DCHS2: variants seen among roughly 807,000 people sequenced by gnomAD.
DCHS2 encodes dachsous cadherin-related 2.
A neutral mutation model predicts 182.4 loss-of-function variants in DCHS2; 142 were observed. That is an observed-to-expected ratio of 0.78 (90% confidence interval 0.68 to 0.89). The LOEUF (loss-of-function observed/expected upper bound fraction) is 0.89, where lower values mean the gene tolerates loss of function less well. Ranked by LOEUF, DCHS2 falls within the 40% of genes least tolerant of loss-of-function variation. The probability of loss-of-function intolerance (pLI) is 0.00; values close to 1 mark genes in which losing one functional copy is unlikely to be tolerated. For synonymous variants in DCHS2, 1,740 were observed against 1,663.3 expected (o/e 1.05, Z -1.12); for missense variants, 4,319 against 4,198.6 (o/e 1.03, Z -0.79).
chr4:154,396,593 C>G (rs1260156240), intron 1 of DCHS2, among the ~76,000 whole-genome samples: 1 of 152,050 alleles, frequency 6.6e-6, no homozygotes, highest in African/African-American at 2.4e-5. Context: ...CTCAAAGTTT[C>G]AACGGTGTCT....
In DCHS2 at chr4:154,236,026, A is replaced by T; in HGVS notation, c.8626T>A (p.Phe2876Ile). 2 of 1,613,928 alleles carry T rather than the reference A, an allele frequency of 1.2e-6. No homozygotes were observed. The highest frequency in any genetic ancestry group is 2.2e-5 in the South Asian group (2 of 91,074). The change falls in exon 20 of 20, where the codon TTT (phenylalanine) becomes ATT (isoleucine). Residue 2876 changes from phenylalanine to isoleucine, a missense_variant. Coordinates refer to ENST00000357232, the MANE Select transcript of DCHS2 (RefSeq NM_001358235.2). ...VWVDIEGIDEFEPIFTQDQYF... is the reference protein window; with the variant it reads ...VWVDIEGIDEIEPIFTQDQYF... ...TGATCTTGAGTGAAAATGGGCTCAA[A>T]TTCATCTATCCCTTCAATATCCACC... is the stretch of plus-strand genomic sequence containing the variant.
chr4:154,393,396 C>A (rs1025911389), intron 1 of DCHS2, among the ~76,000 whole-genome samples: 9 of 152,110 alleles, frequency 5.9e-5, no homozygotes, highest in Non-Finnish European at 1.3e-4. Context: ...AAATGGGCTT[C>A]ATATTTTAAC....
chr4:154,256,502 TA>T (rs1732675684), intron 15 of DCHS2, among the ~76,000 whole-genome samples: 1 of 152,084 alleles, frequency 6.6e-6, no homozygotes, highest in South Asian at 2.1e-4. Context: ...CTAAGAAGTG[TA>T]GATCCTAATC....
intron 1 of DCHS2, among the ~76,000 whole-genome samples, chr4:154,435,834 G>A (rs948233470): frequency 6.6e-6 from 1 of 152,150 alleles, no homozygotes; most frequent in African/African-American, 2.4e-5. Flanking sequence ...AATTTATCTT[G>A]TTGTTAGTGC....
At position 154,315,904 on chromosome 4, in the gene DCHS2, G is replaced by A. The variant is rs752581861; in HGVS notation, c.5104C>T (p.Pro1702Ser). Residue 1702 changes from proline to serine, a missense_variant, in exon 10 of 20, where the codon CCA (proline) becomes TCA (serine). Physicochemically the swap from Pro to Ser is moderately conservative, Grantham distance 74. Transcript: ENST00000357232. ...AAAGTCTGGGATGAAGAAAGTGCTG[G>A]TGTGCCATCATCCAGTGCCAGAACA... is the stretch of plus-strand genomic sequence containing the variant. ...LTVLALDDGT[P>S]ALSSSQTLTV... 15 of 1,613,850 alleles carry A rather than the reference G, an allele frequency of 9.3e-6. No individual in the cohort carries two copies. The South Asian group carries it at 1.6e-4, about 18-fold the overall frequency.
chr4:154,421,373 GTTAAT>G (rs60585355), intron 1 of DCHS2, among the ~76,000 whole-genome samples: 256 of 149,062 alleles, frequency 1.7e-3, no homozygotes, highest in African/African-American at 5.4e-3. Flanking sequence ...TCTCATCTGT[GTTAAT>G]TTAATTTAAT....
At chr4:154,291,157 C>T (rs574363657) in intron 13 of DCHS2, among the ~76,000 whole-genome samples, 1 of 152,054 alleles carries the variant, frequency 6.6e-6, no homozygotes, top group East Asian at 1.9e-4. Flanking sequence ...CAATAGAATA[C>T]ATATAAATGG....
At chr4:154,402,396 A>G (rs1347752868) in intron 1 of DCHS2, among the ~76,000 whole-genome samples, 1 of 152,228 alleles carries the variant, frequency 6.6e-6, no homozygotes, top group African/African-American at 2.4e-5. Context: ...TCAACTCACA[A>G]CTTTTATAAA....
intron 13 of DCHS2, among the ~76,000 whole-genome samples, chr4:154,281,280 T>C (rs930006149): frequency 6.6e-6 from 1 of 152,132 alleles, no homozygotes; most frequent in African/African-American, 2.4e-5. Context: ...ATCCTGTATG[T>C]GTAAAACCCT....
At position 154,490,591 on chromosome 4, in the gene DCHS2, G is replaced by T; in HGVS notation, c.765C>A (p.Asp255Glu). The change falls in exon 1 of 20, where the codon GAC (aspartate) becomes GAA (glutamate). Residue 255 changes from aspartate (D) to glutamate (E), a missense_variant. By Grantham distance (45) the Asp-to-Glu change is conservative. Transcript: ENST00000357232. ...GCCGGTGCGCCGCCGCCTCCTCTCGGTCCAAGCGCCGCAGCAGCACCAGAT... is the reference window on the plus strand; with the variant it reads ...GCCGGTGCGCCGCCGCCTCCTCTCGTTCCAAGCGCCGCAGCAGCACCAGAT... The part of the protein sequence containing the change: ...PLDLVLLRRL[D>E]REEAAAHRLQ... The T allele has an allele frequency of 6.5e-7, 1 of 1,546,284 alleles. No individual in the cohort carries two copies. Among genetic ancestry groups the T allele is most frequent in the Non-Finnish European group, 8.7e-7 (1 of 1,146,358 alleles).
intron 1 of DCHS2, among the ~76,000 whole-genome samples, chr4:154,475,795 C>T (rs1735657637): frequency 1.3e-5 from 2 of 152,162 alleles, no homozygotes; most frequent in South Asian, 4.1e-4. Context: ...TGTGCTAGTG[C>T]TTTAAATACA....
At chr4:154,450,143 C>G (rs1347991955) in intron 1 of DCHS2, among the ~76,000 whole-genome samples, 1 of 152,150 alleles carries the variant, frequency 6.6e-6, no homozygotes, top group East Asian at 1.9e-4. Flanking sequence ...ACAGAGGTTG[C>G]TGAGAATCCA....
intron 7 of DCHS2, among the ~76,000 whole-genome samples, chr4:154,325,873 C>T (rs1404784049): frequency 6.6e-6 from 1 of 152,232 alleles, no homozygotes; most frequent in Non-Finnish European, 1.5e-5. Flanking sequence ...ATGCAATGAA[C>T]TCAAAGCTGC....
chr4:154,475,742 C>T lies in DCHS2; in HGVS notation c.2052+13562G>A, dbSNP rs141462864. On this transcript the variant is annotated intron_variant, in intron 1 of 19. Transcript: ENST00000357232. Reference sequence around the variant, plus strand: ...AACAATGTCTGGTTGACTTTCCATGCCTCCACTTATAAGAAATAGCTGAAA... The same window carrying T: ...AACAATGTCTGGTTGACTTTCCATGTCTCCACTTATAAGAAATAGCTGAAA... Among the ~76,000 whole-genome samples, 623 of 152,272 alleles carry T rather than the reference C, an allele frequency of 4.1e-3. 5 individuals are homozygous for T. The highest frequency in any genetic ancestry group is 0.014 in the African/African-American group (595 of 41,562).
intron 1 of DCHS2, among the ~76,000 whole-genome samples, chr4:154,385,336 G>C (rs1217314649): frequency 6.6e-6 from 1 of 152,050 alleles, no homozygotes; most frequent in Non-Finnish European, 1.5e-5. Flanking sequence ...TTGAACATTT[G>C]GGTTGGTTCC....
At chr4:154,326,635 C>T (rs1314574914) in intron 7 of DCHS2, among the ~76,000 whole-genome samples, 1 of 152,114 alleles carries the variant, frequency 6.6e-6, no homozygotes, top group Non-Finnish European at 1.5e-5. Flanking sequence ...GGTAACCGAT[C>T]ATATCAGCAT....
At chr4:154,300,705 T>G (rs1040425304) in intron 12 of DCHS2, among the ~76,000 whole-genome samples, 2 of 151,610 alleles carry the variant, frequency 1.3e-5, no homozygotes, top group Non-Finnish European at 2.9e-5. Context: ...ATCGAGAGCC[T>G]GTCTTTAAAA....
chr4:154,278,619 TAAAAAAAAAAAG>T (rs1733979523), intron 13 of DCHS2, among the ~76,000 whole-genome samples: 1 of 143,870 alleles, frequency 7.0e-6, no homozygotes, highest in Non-Finnish European at 1.5e-5. Context: ...AATCTTAAAT[TAAAAAAAAAAAG>T]AGAAAGAAAA....
At chr4:154,433,395 C>CTTTTTTTTTTT (rs61553613) in intron 1 of DCHS2, among the ~76,000 whole-genome samples, 15 of 103,864 alleles carry the variant, frequency 1.4e-4, no homozygotes, top group Non-Finnish European at 2.2e-4. Context: ...TTTTTTTTTC[C>CTTTTTTTTTTT]TTTTTTTTTT....
Sources: gnomAD v4.1 joint callset for allele counts (sites outside exome capture counted in the v4.1 genomes callset) on GRCh38, gnomAD v4.1.1 for gene constraint, MANE v1.5 for transcripts, NCBI Gene and HGNC (gene_info 2026-07-23, HGNC 2026-07-21) for gene names.